WDR72: variants seen among roughly 807,000 people sequenced by gnomAD.
WDR72 encodes WD repeat domain 72, also known as WD repeat-containing protein 72.
Under a neutral mutation model 124.2 loss-of-function variants are expected in WDR72, and 120 were observed. The observed-to-expected ratio is 0.97, with a 90% confidence interval of 0.83 to 1.12. The LOEUF (loss-of-function observed/expected upper bound fraction) is 1.12, where lower values mean the gene tolerates loss of function less well. Ranked by LOEUF, WDR72 falls within the 50% of genes most tolerant of loss-of-function variation. The pLI, the probability that WDR72 is intolerant of heterozygous loss-of-function variation, is 0.00. For synonymous variants in WDR72, 452 were observed against 441.7 expected, an observed-to-expected ratio of 1.02 and a Z score of -0.29; for missense variants, 1,387 against 1,278.8, an observed-to-expected ratio of 1.08 and a Z score of -1.29.
intron 14 of WDR72, among the ~76,000 whole-genome samples, chr15:53,639,653 T>C (rs1342273195): frequency 6.6e-6 from 1 of 151,846 alleles, no homozygotes; most frequent in Non-Finnish European, 1.5e-5. Context: ...CTGGCACTGC[T>C]GTCTGATTCT....
intron 18 of WDR72, among the ~76,000 whole-genome samples, chr15:53,580,472 G>A (rs535740315): frequency 6.6e-6 from 1 of 152,124 alleles, no homozygotes; most frequent in South Asian, 2.1e-4. Flanking sequence ...ATTTGCAAAA[G>A]AGCCCTGAAC....
intron 14 of WDR72, among the ~76,000 whole-genome samples, chr15:53,660,587 A>AAT (rs2015576427): frequency 6.6e-6 from 1 of 152,178 alleles, no homozygotes; most frequent in Non-Finnish European, 1.5e-5. Flanking sequence ...AAAGGTTAAA[A>AAT]ATATATATAA....
intron 16 of WDR72, among the ~76,000 whole-genome samples, chr15:53,611,184 A>G (rs2013524512): frequency 6.6e-6 from 1 of 152,084 alleles, no homozygotes; most frequent in South Asian, 2.1e-4. Context: ...ATTCTTTAGG[A>G]TTTGGCTTCA....
At chr15:53,573,945 C>T (rs923097302) in intron 18 of WDR72, among the ~76,000 whole-genome samples, 1 of 152,184 alleles carries the variant, frequency 6.6e-6, no homozygotes. Context: ...GGATATTAAA[C>T]ATATCCTCTG....
intron 12 of WDR72, among the ~76,000 whole-genome samples, chr15:53,700,827 G>A (rs113599666): frequency 3.9e-5 from 6 of 152,140 alleles, no homozygotes; most frequent in African/African-American, 7.2e-5. Context: ...CTTGCAGAAC[G>A]GATCATATGT....
chr15:53,646,864 C>T (rs191194152), intron 14 of WDR72, among the ~76,000 whole-genome samples: 1 of 151,966 alleles, frequency 6.6e-6, no homozygotes, highest in African/African-American at 2.4e-5. Context: ...AAAAGGAAGT[C>T]TCATAACCAA....
chr15:53,529,597 C>T (rs1439778943), intron 18 of WDR72, among the ~76,000 whole-genome samples: 2 of 152,092 alleles, frequency 1.3e-5, no homozygotes, highest in East Asian at 3.9e-4. Context: ...AGTGTTCCTT[C>T]TTGGTTTCAG....
chr15:53,543,942 T>A (rs1893306638), intron 18 of WDR72, among the ~76,000 whole-genome samples: 2 of 151,788 alleles, frequency 1.3e-5, no homozygotes, highest in Admixed American at 1.3e-4. Context: ...ACACATACAC[T>A]CTCCCAAGAC....
intron 15 of WDR72, 87 bp downstream of exon 15, chr15:53,615,339 A>G (rs1262703055): frequency 1.9e-6 from 2 of 1,072,364 alleles, no homozygotes; most frequent in East Asian, 5.3e-5. Context: ...AGAAGGAAGG[A>G]ATGTTAAAGA....
chr15:53,663,454 T>C (rs1254079414), intron 14 of WDR72, among the ~76,000 whole-genome samples: 1 of 152,140 alleles, frequency 6.6e-6, no homozygotes, highest in Non-Finnish European at 1.5e-5. Context: ...CTTCTTGAAG[T>C]CAAGGAATAA....
chr15:53,642,439 C>T (rs1290065572), intron 14 of WDR72, among the ~76,000 whole-genome samples: 1 of 152,000 alleles, frequency 6.6e-6, no homozygotes, highest in Non-Finnish European at 1.5e-5. Flanking sequence ...TACATGCACA[C>T]ACCAATGTGT....
At chr15:53,589,437 C>A (rs1218031364) in intron 18 of WDR72, among the ~76,000 whole-genome samples, 1 of 151,858 alleles carries the variant, frequency 6.6e-6, no homozygotes, top group East Asian at 1.9e-4. Context: ...ATCCATTCAC[C>A]CATCCACTCA....
chr15:53,564,139 A>G (rs935906223), intron 18 of WDR72, among the ~76,000 whole-genome samples: 1 of 151,832 alleles, frequency 6.6e-6, no homozygotes, highest in Non-Finnish European at 1.5e-5. Context: ...TTTAACAGTC[A>G]TTAATTCATT....
intron 19 of WDR72, 79 bp from the exon 20 acceptor site, chr15:53,517,833 G>GGAGAGAGGA (rs1269240355): frequency 2.2e-6 from 3 of 1,355,474 alleles, no homozygotes; most frequent in Non-Finnish European, 3.2e-6. Context: ...AGGAGGGGAG[G>GGAGAGAGGA]GAGAGAGGAA....
chr15:53,530,742 T>A (rs2140231676), intron 18 of WDR72, among the ~76,000 whole-genome samples: 1 of 152,182 alleles, frequency 6.6e-6, no homozygotes, highest in Middle Eastern at 3.4e-3. Flanking sequence ...GAGATAAACA[T>A]GATTTATATA....
chr15:53,663,615 T>C (rs2015680164), intron 14 of WDR72, among the ~76,000 whole-genome samples: 2 of 152,152 alleles, frequency 1.3e-5, no homozygotes, highest in South Asian at 4.1e-4. Context: ...GAATGAGATT[T>C]GCTCCTGCAG....
At chr15:53,683,655 A>C in intron 13 of WDR72, among the ~76,000 whole-genome samples, 1 of 152,154 alleles carries the variant, frequency 6.6e-6, no homozygotes, top group East Asian at 1.9e-4. Flanking sequence ...AAAAACACAC[A>C]CACAGAATAT....
intron 13 of WDR72, among the ~76,000 whole-genome samples, chr15:53,672,660 C>A (rs1343390991): frequency 6.6e-6 from 1 of 152,136 alleles, no homozygotes; most frequent in Non-Finnish European, 1.5e-5. Context: ...AAAGAGCACA[C>A]TTCTATACAT....
chr15:53,532,144 G>A (rs1892513136), intron 18 of WDR72, among the ~76,000 whole-genome samples: 1 of 152,012 alleles, frequency 6.6e-6, no homozygotes, highest in African/African-American at 2.4e-5. Context: ...AGGCAATAAC[G>A]AATGCTGTCA....
Sources: allele counts gnomAD v4.1 joint callset (sites outside exome capture counted in the v4.1 genomes callset), GRCh38; gene constraint gnomAD v4.1.1; transcripts MANE v1.5; gene names NCBI Gene and HGNC (gene_info 2026-07-23, HGNC 2026-07-21).